The following SYTL2 variants were observed in gnomAD, a reference collection of about 807,000 sequenced individuals.
SYTL2 encodes synaptotagmin-like protein 2.
SYTL2 carries 165 observed loss-of-function variants against 198.7 expected under a neutral mutation model. That is an observed-to-expected ratio of 0.83 (90% CI 0.73 to 0.94). The LOEUF (loss-of-function observed/expected upper bound fraction) is 0.94. SYTL2 is among the 40% of genes least tolerant of loss of function. SYTL2 has a pLI of 0.00. For missense variants in SYTL2, 2,835 were observed against 2,582.8 expected (o/e 1.10, Z -2.12); for synonymous variants, 966 against 917.7 (o/e 1.05, Z -0.95).
intron 8 of SYTL2, among the ~76,000 whole-genome samples, chr11:85,722,611 T>C (rs1443804511): frequency 6.6e-6 from 1 of 152,142 alleles, no homozygotes. Flanking sequence ...CAGTTTACAC[T>C]AGCAACTCAT....
chr11:85,774,599 G>A (rs1248292926), intron 1 of SYTL2, among the ~76,000 whole-genome samples: 2 of 150,410 alleles, frequency 1.3e-5, no homozygotes, highest in African/African-American at 4.8e-5. Context: ...AATGAGACCA[G>A]TTAAAAAGGA....
chr11:85,802,314 C>T (rs1483601847), intron 1 of SYTL2, among the ~76,000 whole-genome samples: 4 of 151,084 alleles, frequency 2.6e-5, no homozygotes, highest in African/African-American at 9.7e-5. Context: ...CTCTGCCTCC[C>T]AGGTTCAAGC....
chr11:85,784,218 G>A (rs1484325766), intron 1 of SYTL2, among the ~76,000 whole-genome samples: 3 of 152,162 alleles, frequency 2.0e-5, no homozygotes, highest in Non-Finnish European at 4.4e-5. Context: ...GACATTCAGT[G>A]AATTCAGCTG....
At chr11:85,774,770 T>C (rs1262604324) in intron 1 of SYTL2, among the ~76,000 whole-genome samples, 2 of 152,204 alleles carry the variant, frequency 1.3e-5, no homozygotes, top group Non-Finnish European at 2.9e-5. Context: ...AAGAGCTTTA[T>C]AGTATTAATC....
chr11:85,758,075 G>A lies in SYTL2; in HGVS notation c.-350C>T, dbSNP rs536436919. On this transcript the variant is annotated 5_prime_UTR_variant, in exon 2 of 20. It adds an upstream start codon to the 5' untranslated region. Coordinates refer to ENST00000359152, the MANE Select transcript of SYTL2 (RefSeq NM_206927.4). ...AGTTTATTCTCTCTCTGCACCTGTC[G>A]TCAATTCATAAGAGGCAGCAGCATC... 6.6e-5 allele frequency: 13 copies of A among 198,282 alleles called. No individual in the cohort carries two copies. The highest frequency in any genetic ancestry group is 1.2e-4 in the Non-Finnish European group (11 of 94,190). The allele number at this position is 198,282 out of a possible 1,614,324, so 12.3% of individuals were successfully genotyped here.
intron 1 of SYTL2, among the ~76,000 whole-genome samples, chr11:85,762,048 T>C (rs1361727824): frequency 1.3e-5 from 2 of 152,264 alleles, no homozygotes; most frequent in African/African-American, 4.8e-5. Context: ...GACTGGCATT[T>C]GCTGATGGTT....
chr11:85,704,131 CA>C (rs1261215204), intron 16 of SYTL2, among the ~76,000 whole-genome samples: 1 of 151,706 alleles, frequency 6.6e-6, no homozygotes, highest in East Asian at 1.9e-4. Flanking sequence ...GGAAAAACAT[CA>C]AAACTATTGC....
rs565797339 is a variant in SYTL2 at position 85,717,527 on chromosome 11, T to C, written c.5486A>G (p.Glu1829Gly). Residue 1829 changes from glutamate to glycine, a missense_variant, in exon 11 of 20, where the codon GAG becomes GGG. This residue lies in a region of SYTL2 where 2,645 missense variants were observed against 2,381.7 expected (regional missense o/e 1.11). Coordinates refer to ENST00000359152, the MANE Select transcript of SYTL2 (RefSeq NM_206927.4). ...EELVRSAEDD[E>G]KPDQKPVTNE... ...TGTAACTGGCTTCTGATCTGGTTTC[T>C]CATCTACTCAGGAGGGCAACATTGA... The C allele has an allele frequency of 1.2e-6, 2 of 1,612,528 alleles. No individual in the cohort carries two copies. Among genetic ancestry groups the C allele is most frequent in the East Asian group, 2.2e-5 (1 of 44,810 alleles).
At chr11:85,743,071 G>A (rs1057079949) in intron 4 of SYTL2, among the ~76,000 whole-genome samples, 5 of 152,170 alleles carry the variant, frequency 3.3e-5, no homozygotes, top group Non-Finnish European at 5.9e-5. Flanking sequence ...TTGCCACAGA[G>A]CCTATTAGCA....
chr11:85,748,314 T>G lies in SYTL2; in HGVS notation c.211A>C (p.Ile71Leu), dbSNP rs965497687. Residue 71 changes from isoleucine (I) to leucine (L), a missense_variant, in exon 3 of 20, where the codon ATC becomes CTC. By Grantham distance (5) the Ile-to-Leu change is conservative. Transcript: ENST00000359152. ...RHRDKIHGAD[I>L]IRASMRKKRP... is the part of the protein sequence containing the mutation. ...TTCTTTCTCATAGATGCTCTGATGA[T>G]ATCTGCGCCATGGATTTTGTCCCTG... The G allele has an allele frequency of 3.1e-6, 5 of 1,613,934 alleles. No homozygotes were observed. Among genetic ancestry groups the G allele is most frequent in the Non-Finnish European group, 4.2e-6 (5 of 1,179,924 alleles).
chr11:85,808,212 G>A (rs1385978284), intron 1 of SYTL2, among the ~76,000 whole-genome samples: 5 of 151,912 alleles, frequency 3.3e-5, no homozygotes, highest in Admixed American at 6.6e-5. Flanking sequence ...GACTACAGGC[G>A]CATGCCACCA....
intron 18 of SYTL2, among the ~76,000 whole-genome samples, chr11:85,697,549 C>A (rs1369909714): frequency 1.3e-5 from 2 of 152,174 alleles, no homozygotes; most frequent in African/African-American, 4.8e-5. Flanking sequence ...ATTAGCAAAT[C>A]ATTTTCCAAA....
At chr11:85,723,192 C>G (rs1294806117) in intron 8 of SYTL2, among the ~76,000 whole-genome samples, 3 of 152,306 alleles carry the variant, frequency 2.0e-5, no homozygotes, top group Middle Eastern at 3.4e-3. Flanking sequence ...CATTTTACAG[C>G]CTGGCCGCCA....
chr11:85,737,910 G>A (rs570027424), intron 4 of SYTL2, among the ~76,000 whole-genome samples: 9 of 152,304 alleles, frequency 5.9e-5, no homozygotes, highest in African/African-American at 1.9e-4. Context: ...TGTTGATTGA[G>A]AAGGGCAAAA....
At chr11:85,843,226 G>A in the SYTL2 span, among the ~76,000 whole-genome samples, 4 of 151,928 alleles carry the variant, frequency 2.6e-5, no homozygotes, top group Admixed American at 2.6e-4. Context: ...ACACAAATTG[G>A]GTGTGCTGAC....
At chr11:85,702,794 G>T (rs189396136) in intron 16 of SYTL2, among the ~76,000 whole-genome samples, 76 of 152,180 alleles carry the variant, frequency 5.0e-4, no homozygotes, top group Non-Finnish European at 8.8e-5. Context: ...CCAAGACAAA[G>T]AACTAAGTGT....
At position 85,697,665 on chromosome 11, in the gene SYTL2, C is replaced by T. The variant is rs189017825; in HGVS notation, c.6368+314G>A. Reference sequence around the variant, plus strand: ...TCCATAAAGGAGTCAAGGGGTGTGACATCTTACCATTAGAAATTTAATAAA... The same window carrying T: ...TCCATAAAGGAGTCAAGGGGTGTGATATCTTACCATTAGAAATTTAATAAA... On this transcript the variant is annotated intron_variant, in intron 18 of 19. Coordinates refer to ENST00000359152, the MANE Select transcript of SYTL2 (RefSeq NM_206927.4). Among the ~76,000 whole-genome samples the T allele has an allele frequency of 2.6e-4, 40 of 152,306 alleles. 1 individual carries two copies. The highest frequency in any genetic ancestry group is 8.7e-4 in the African/African-American group (36 of 41,564).
At chr11:85,731,162 C>A (rs990891428) in intron 7 of SYTL2, among the ~76,000 whole-genome samples, 3 of 152,130 alleles carry the variant, frequency 2.0e-5, no homozygotes, top group African/African-American at 7.2e-5. Flanking sequence ...CCATACTGAC[C>A]AAAGTAATTT....
chr11:85,817,372 G>A, the SYTL2 span, among the ~76,000 whole-genome samples: 1 of 152,168 alleles, frequency 6.6e-6, no homozygotes, highest in Admixed American at 6.5e-5. Context: ...CTAGTGACTA[G>A]TCTAGATTGA....
Sources: allele counts gnomAD v4.1 joint callset (sites outside exome capture counted in the v4.1 genomes callset), GRCh38; gene constraint gnomAD v4.1.1; regional missense constraint gnomAD v4.1.1; transcripts MANE v1.5; gene names NCBI Gene and HGNC (gene_info 2026-07-23, HGNC 2026-07-21).